The following MYPOP variants were observed in gnomAD, a reference collection of about 807,000 sequenced individuals.
MYPOP encodes Myb related transcription factor, partner of profilin.
MYPOP carries 21 observed loss-of-function variants against 25.7 expected under a neutral mutation model. That is an observed-to-expected ratio of 0.82 (90% CI 0.58 to 1.18). The LOEUF is 1.18. Among genes scored for constraint, MYPOP ranks in the 50% most tolerant of loss-of-function variants. MYPOP has a pLI of 0.00. For synonymous variants in MYPOP, 280 were observed against 247.9 expected (o/e 1.13, Z -1.22); for missense variants, 566 against 588.3 (o/e 0.96, Z 0.39).
At position 45,901,547 on chromosome 19, in the gene MYPOP, A is replaced by G; in HGVS notation, c.227T>C (p.Val76Ala). Residue 76 changes from valine to alanine, a missense_variant, in exon 2 of 3, where the codon GTG becomes GCG. Val to Ala is a moderately conservative substitution (Grantham distance 64). Transcript: ENST00000322217. The surrounding 1 kb of genome is among the most constrained non-coding windows in gnomAD (Gnocchi z 5.7). ...CTTGAAGTCGTTCCAGCGCTTCTGC[A>G]CCTCCTGGCCCGTGCGCTTCCAGCT... The part of the protein sequence containing the change: ...ITSWKRTGQE[V>A]QKRWNDFKRR... 6 of 1,611,872 alleles carry G rather than the reference A, an allele frequency of 3.7e-6. No homozygotes were observed. Among genetic ancestry groups the G allele is most frequent in the Non-Finnish European group, 5.1e-6 (6 of 1,179,514 alleles).
chr19:45,892,023 G>T (rs546500864), intron 2 of MYPOP, among the ~76,000 whole-genome samples: 5 of 151,992 alleles, frequency 3.3e-5, no homozygotes, highest in African/African-American at 1.2e-4. Context: ...GGCTTCAAAC[G>T]ATTATCCTGC....
At chr19:45,897,330 T>C (rs571992451) in intron 2 of MYPOP, among the ~76,000 whole-genome samples, 1 of 152,194 alleles carries the variant, frequency 6.6e-6, no homozygotes, top group South Asian at 2.1e-4. Flanking sequence ...CCCAGAGTGC[T>C]GGGATTACAG....
Position 45,890,909 on chromosome 19 carries a change from G to T in MYPOP, c.914C>A (p.Ser305Tyr), listed in dbSNP as rs774993143. The part of the protein sequence containing the change: ...LPLLPGTPVD[S>Y]LPPPLPPPPP... The stretch of plus-strand genomic sequence containing the variant: ...GGGTGGGGGCAGAGGTGGAGGCAGG[G>T]AGTCAACTGGGGTTCCTGGCAGAAG... Residue 305 changes from serine to tyrosine, a missense_variant, in exon 3 of 3, where the codon TCC becomes TAC. Physicochemically the swap from Ser to Tyr is moderately radical, Grantham distance 144. Transcript: ENST00000322217. 2 of 1,441,812 alleles carry T rather than the reference G, an allele frequency of 1.4e-6. No homozygotes were observed. Among genetic ancestry groups the T allele is most frequent in the Non-Finnish European group, 1.8e-6 (2 of 1,099,216 alleles). The allele number at this position is 1,441,812 out of a possible 1,614,324, so 89.3% of individuals were successfully genotyped here.
At chr19:45,897,521 G>C (rs576605805) in intron 2 of MYPOP, among the ~76,000 whole-genome samples, 1 of 152,312 alleles carries the variant, frequency 6.6e-6, no homozygotes, top group East Asian at 1.9e-4. Context: ...ATGCCCACAA[G>C]GCTCACAGGA....
Position 45,890,529 on chromosome 19 carries a change from C to A in MYPOP, c.*94G>T. ...GTGCTCACATCCCTGGAGCAGGGAG[C>A]TAGGGTGCAGCTGGGATGGGCAGAG... On this transcript the variant is annotated 3_prime_UTR_variant, in exon 3 of 3. Transcript: ENST00000322217. 1 of 1,541,438 alleles carries A rather than the reference C, an allele frequency of 6.5e-7. No homozygotes were observed. Among genetic ancestry groups the A allele is most frequent in the Non-Finnish European group, 8.8e-7 (1 of 1,142,794 alleles).
Position 45,890,661 on chromosome 19 carries a change from G to C in MYPOP, c.1162C>G (p.Pro388Ala). ...CATCGGCCGCGCCTTTTCCGTGTAGGGAAACCTTTTCTCCGCTTGTGTGGG... is the reference window on the plus strand; with the variant it reads ...CATCGGCCGCGCCTTTTCCGTGTAGCGAAACCTTTTCTCCGCTTGTGTGGG... ...SPPHKRRKGF[P>A]TRKRRGRWKS... The change falls in exon 3 of 3, where the codon CCT (proline) becomes GCT (alanine). Residue 388 changes from proline to alanine, a missense_variant. By Grantham distance (27) the Pro-to-Ala change is conservative. Coordinates refer to ENST00000322217, the MANE Select transcript of MYPOP (RefSeq NM_001012643.4). 6.2e-7 allele frequency: 1 copy of C among 1,609,530 alleles called. No homozygotes were observed. The highest frequency in any genetic ancestry group is 1.1e-5 in the South Asian group (1 of 90,904).
At position 45,891,085 on chromosome 19, in the gene MYPOP, A is replaced by G. The variant is rs1967115655; in HGVS notation, c.738T>C (p.Pro246=). 2 of 183,120 alleles carry G rather than the reference A, an allele frequency of 1.1e-5. No homozygotes were observed. The highest frequency in any genetic ancestry group is 1.3e-4 in the African/African-American group (1 of 7,712). The allele number at this position is 183,120 out of a possible 1,614,324, so 11.3% of individuals were successfully genotyped here. A position where few individuals can be genotyped will look rare whatever the true frequency, so the allele number is the denominator to read the frequency against. ...CCGAGAGCGTGGGTGGAGGCCGAGG[A>G]GGGGGTGGGGGGCTAGGGGGTGAGG... is the stretch of plus-strand genomic sequence containing the variant. The part of the protein sequence containing the change: ...VAPSPPSPPP[P]PRPPPTLSAS... The change falls in exon 3 of 3, where the codon CCT becomes CCC. Residue 246 remains proline (P), a synonymous_variant. Coordinates refer to ENST00000322217, the MANE Select transcript of MYPOP (RefSeq NM_001012643.4).
intron 2 of MYPOP, among the ~76,000 whole-genome samples, chr19:45,892,577 A>T (rs146143394): frequency 0.016 from 2,412 of 152,190 alleles, 37 homozygotes; most frequent in East Asian, 0.082. Flanking sequence ...ACTTGCTCGG[A>T]GCTGGGCTTC....
intron 2 of MYPOP, among the ~76,000 whole-genome samples, chr19:45,899,672 T>C (rs1438539102): frequency 6.6e-6 from 1 of 152,020 alleles, no homozygotes; most frequent in East Asian, 1.9e-4. Context: ...AAATCCCATC[T>C]CTACTAAAAA....
At chr19:45,893,844 C>T (rs1967162387) in intron 2 of MYPOP, among the ~76,000 whole-genome samples, 1 of 146,628 alleles carries the variant, frequency 6.8e-6, no homozygotes, top group Non-Finnish European at 1.5e-5. Flanking sequence ...GGCTGGAGTG[C>T]AGTGGCGCGA....
chr19:45,900,356 G>A (rs1264943799), intron 2 of MYPOP, among the ~76,000 whole-genome samples: 1 of 151,984 alleles, frequency 6.6e-6, no homozygotes, highest in East Asian at 1.9e-4. Flanking sequence ...TGTACATGCT[G>A]TTCCCTCTAC....
At chr19:45,891,417 G>T in intron 2 of MYPOP, 94 bp from the exon 3 acceptor site, 1 of 1,332,648 alleles carries the variant, frequency 7.5e-7, no homozygotes, top group Non-Finnish European at 9.7e-7. Context: ...CCCCCTACCC[G>T]AACCCAGAAC....
intron 2 of MYPOP, among the ~76,000 whole-genome samples, chr19:45,900,620 A>G (rs1190294749): frequency 6.6e-6 from 1 of 152,062 alleles, no homozygotes; most frequent in Non-Finnish European, 1.5e-5. Context: ...GTGCTCAGGG[A>G]ACGGCTGTAG....
Position 45,901,245 on chromosome 19 carries a change from A to T in MYPOP, c.499+30T>A. 1.4e-6 allele frequency: 2 copies of T among 1,421,832 alleles called. No individual in the cohort carries two copies. Among genetic ancestry groups the T allele is most frequent in the Non-Finnish European group, 9.2e-7 (1 of 1,087,158 alleles). 88.1% of individuals were successfully genotyped at this position (1,421,832 alleles called of 1,614,324 possible). The stretch of plus-strand genomic sequence containing the variant: ...ACATGTAAAAGGCTTGCAACAGCGC[A>T]GGCACACAGCCTACTCTGAAGACAC... On this transcript the variant is annotated intron_variant, in intron 2 of 2. Coordinates refer to ENST00000322217, the MANE Select transcript of MYPOP (RefSeq NM_001012643.4). This position sits in a 1 kb window ranked among gnomAD's most constrained non-coding sequence, Gnocchi z 5.7.
rs756886858 is a variant in MYPOP, at chr19:45,890,613, ATAG to A, written c.*7_*9del. 366 of 1,610,500 alleles carry A rather than the reference ATAG, an allele frequency of 2.3e-4. No homozygotes were observed. Among genetic ancestry groups the A allele is most frequent in the Non-Finnish European group, 3.0e-4 (352 of 1,178,720 alleles). On this transcript the variant is annotated 3_prime_UTR_variant, in exon 3 of 3. Coordinates refer to ENST00000322217, the MANE Select transcript of MYPOP (RefSeq NM_001012643.4). ...AGAGGGGTTGCAGGCAGGATCATAG[ATAG>A]TAGATTTCACGGAGATTTCCATCGG... is the stretch of plus-strand genomic sequence containing the variant.
chr19:45,892,649 C>T (rs187487788), intron 2 of MYPOP, among the ~76,000 whole-genome samples: 2 of 152,268 alleles, frequency 1.3e-5, no homozygotes, highest in East Asian at 3.9e-4. Flanking sequence ...CAGCTCCATC[C>T]TCCCAGCTGC....
At chr19:45,902,405 G>A (rs972919619) in intron 1 of MYPOP, among the ~76,000 whole-genome samples, 165 bp downstream of exon 1, 4 of 152,084 alleles carry the variant, frequency 2.6e-5, no homozygotes, top group African/African-American at 9.7e-5. Flanking sequence ...TTAGGGATCA[G>A]GGTCTGCGAG....
chr19:45,892,953 A>G (rs1390957027), intron 2 of MYPOP, among the ~76,000 whole-genome samples: 1 of 152,212 alleles, frequency 6.6e-6, no homozygotes, highest in Non-Finnish European at 1.5e-5. Context: ...CACAGATCAC[A>G]GGGGCCATTT....
In MYPOP at chr19:45,901,063, G is replaced by A. The variant is rs1257151514; in HGVS notation, c.499+212C>T. On this transcript the variant is annotated intron_variant, in intron 2 of 2. Coordinates refer to ENST00000322217, the MANE Select transcript of MYPOP (RefSeq NM_001012643.4). This position sits in a 1 kb window ranked among gnomAD's most constrained non-coding sequence, Gnocchi z 5.7. ...TGACCCCAGGTGTGGACCTGAGTCA[G>A]GCCTCCTAAATCTGGTTCCATTCCT... Among the ~76,000 whole-genome samples, 2 of 152,200 alleles carry A rather than the reference G, an allele frequency of 1.3e-5. No individual in the cohort carries two copies. The highest frequency in any genetic ancestry group is 2.9e-5 in the Non-Finnish European group (2 of 68,028).
Sources: allele counts gnomAD v4.1 joint callset (sites outside exome capture counted in the v4.1 genomes callset), GRCh38; gene constraint gnomAD v4.1.1; non-coding constraint Gnocchi (gnomAD v3.1); transcripts MANE v1.5; gene names NCBI Gene and HGNC (gene_info 2026-07-23, HGNC 2026-07-21).